Variants in NOXRED1 observed in about 807,000 individuals in gnomAD.
NOXRED1 encodes the protein NADP-dependent oxidoreductase domain-containing protein 1.
NOXRED1 carries 20 observed loss-of-function variants against 30.4 expected under a neutral mutation model. That is an observed-to-expected ratio of 0.66 (90% confidence interval 0.46 to 0.96). NOXRED1 has a LOEUF of 0.96. NOXRED1 is among the 40% of genes least tolerant of loss of function. The probability of loss-of-function intolerance (pLI) is 0.00; values close to 1 mark genes in which losing one functional copy is unlikely to be tolerated. For missense variants in NOXRED1, 374 were observed against 428.0 expected (o/e 0.87, Z 1.11); for synonymous variants, 155 against 168.0 (o/e 0.92, Z 0.60).
intron 1 of NOXRED1, among the ~76,000 whole-genome samples, chr14:77,417,329 A>G (rs958834616): frequency 2.0e-5 from 3 of 152,192 alleles, no homozygotes; most frequent in Admixed American, 6.5e-5. Flanking sequence ...ATGTTGTTCA[A>G]GTCTTCTGTT....
chr14:77,395,296 C>T (rs950258959), intron 5 of NOXRED1, among the ~76,000 whole-genome samples: 1 of 151,568 alleles, frequency 6.6e-6, no homozygotes. Flanking sequence ...TTAGTAGATA[C>T]GGGGTTTCAC....
chr14:77,396,922 G>T (rs975090302), intron 5 of NOXRED1, among the ~76,000 whole-genome samples: 3 of 152,212 alleles, frequency 2.0e-5, no homozygotes, highest in African/African-American at 7.2e-5. Context: ...TGGTGAGGAT[G>T]CAGAGAAACT....
At chr14:77,411,083 C>T (rs1894636413) in intron 2 of NOXRED1, among the ~76,000 whole-genome samples, 1 of 152,162 alleles carries the variant, frequency 6.6e-6, no homozygotes, top group East Asian at 1.9e-4. Context: ...AAACTGCAAA[C>T]AGCCTAAGTC....
rs1220769448 is a variant in NOXRED1 at position 77,423,306 on chromosome 14, T to G, written c.-417A>C. Among the ~76,000 whole-genome samples the G allele has an allele frequency of 1.3e-5, 2 of 152,172 alleles. No individual in the cohort carries two copies. The highest frequency in any genetic ancestry group is 2.9e-5 in the Non-Finnish European group (2 of 68,036). On this transcript the variant is annotated 5_prime_UTR_variant, in exon 1 of 6. It removes an upstream start codon present in the reference 5' UTR. Transcript: ENST00000380835. ...CGTTTTGGAAATAGGACTGAACACA[T>G]AGAACCACATTTCAAAGAAATGCTT...
chr14:77,416,842 C>G (rs1274204253), intron 1 of NOXRED1, among the ~76,000 whole-genome samples: 17 of 150,540 alleles, frequency 1.1e-4, no homozygotes, highest in African/African-American at 3.9e-4. Flanking sequence ...CTGACCCCCC[C>G]ACCTCCCTCC....
intron 3 of NOXRED1, 58 bp downstream of exon 3, chr14:77,407,407 G>A (rs1258858227): frequency 7.6e-7 from 1 of 1,309,048 alleles, no homozygotes; most frequent in Non-Finnish European, 1.1e-6. Flanking sequence ...GGAGGCAGAA[G>A]TCAGAGATAA....
intron 5 of NOXRED1, among the ~76,000 whole-genome samples, chr14:77,400,632 G>A: frequency 6.6e-6 from 1 of 152,140 alleles, no homozygotes; most frequent in East Asian, 1.9e-4. Flanking sequence ...CTGAGTTTTT[G>A]ATGAGCCTTT....
In NOXRED1 at chr14:77,399,842, G is replaced by A. The variant is rs375215641; in HGVS notation, c.906-5037C>T. ...GACTGAGAATTTCCCCCAAATTAAT[G>A]TCAGACACCAAACCACAGATCTAGG... On this transcript the variant is annotated intron_variant, in intron 5 of 5. Transcript: ENST00000380835. 1.2e-3 allele frequency among the ~76,000 whole-genome samples: 189 copies of A among 152,196 alleles called. 6 individuals carry two copies. In the East Asian group the frequency reaches 0.028, roughly 23 times the overall value.
chr14:77,402,416 G>T (rs150671980), intron 5 of NOXRED1, among the ~76,000 whole-genome samples: 1 of 151,884 alleles, frequency 6.6e-6, no homozygotes, highest in Non-Finnish European at 1.5e-5. Flanking sequence ...ACCTGAGGTC[G>T]GGAGTTCAAG....
intron 4 of NOXRED1, 37 bp from the exon 5 acceptor site, chr14:77,406,172 C>T (rs1189323948): frequency 3.4e-6 from 5 of 1,450,908 alleles, no homozygotes; most frequent in South Asian, 2.4e-5. Flanking sequence ...CAGTTAGCAC[C>T]ACCAAAAATG....
At chr14:77,403,539 C>T (rs998171090) in intron 5 of NOXRED1, among the ~76,000 whole-genome samples, 6 of 151,916 alleles carry the variant, frequency 3.9e-5, no homozygotes, top group African/African-American at 1.5e-4. Context: ...GCCTGTAGTC[C>T]CAGCTACTCG....
chr14:77,399,771 C>A (rs1894276338), intron 5 of NOXRED1, among the ~76,000 whole-genome samples: 1 of 151,914 alleles, frequency 6.6e-6, no homozygotes, highest in Admixed American at 6.6e-5. Flanking sequence ...CATAATGAGA[C>A]TAGAAGGAGG....
chr14:77,397,104 A>G (rs1016182800), intron 5 of NOXRED1, among the ~76,000 whole-genome samples: 38 of 152,256 alleles, frequency 2.5e-4, no homozygotes, highest in African/African-American at 9.2e-4. Flanking sequence ...ATGAATGTTC[A>G]TAACACCCTT....
chr14:77,394,768 T>G lies in NOXRED1; in HGVS notation c.943A>C (p.Lys315Gln). 1.2e-6 allele frequency: 2 copies of G among 1,613,894 alleles called. No individual in the cohort carries two copies. The highest frequency in any genetic ancestry group is 1.6e-4 in the Middle Eastern group (1 of 6,062). ...PWFDLTAVQL[K>Q]ETPFSQHLSS... is the part of the protein sequence containing the mutation. ...AGATGCTGGCTAAACGGAGTTTCCTTGAGTTGCACAGCAGTCAGATCAAAC... is the reference window on the plus strand; with the variant it reads ...AGATGCTGGCTAAACGGAGTTTCCTGGAGTTGCACAGCAGTCAGATCAAAC... Residue 315 changes from lysine (K) to glutamine (Q), a missense_variant, in exon 6 of 6, where the codon AAG (lysine) becomes CAG (glutamine). Transcript: ENST00000380835.
At chr14:77,403,463 A>G (rs888287591) in intron 5 of NOXRED1, among the ~76,000 whole-genome samples, 4 of 152,036 alleles carry the variant, frequency 2.6e-5, no homozygotes, top group Admixed American at 1.3e-4. Flanking sequence ...AGGCAATCCC[A>G]GACACTATAT....
intron 1 of NOXRED1, among the ~76,000 whole-genome samples, chr14:77,420,471 C>G (rs896349581): frequency 4.0e-5 from 6 of 151,600 alleles, no homozygotes; most frequent in Non-Finnish European, 8.8e-5. Flanking sequence ...CCTCAGCATC[C>G]CAAACTGCTG....
intron 5 of NOXRED1, among the ~76,000 whole-genome samples, chr14:77,402,415 C>T (rs1237293730): frequency 6.6e-6 from 1 of 152,140 alleles, no homozygotes; most frequent in Non-Finnish European, 1.5e-5. Flanking sequence ...CACCTGAGGT[C>T]GGGAGTTCAA....
chr14:77,407,403 A>G, intron 3 of NOXRED1, 62 bp downstream of exon 3: 2 of 1,251,320 alleles, frequency 1.6e-6, no homozygotes, highest in South Asian at 2.5e-5. Flanking sequence ...GGTGGGAGGC[A>G]GAAGTCAGAG....
At chr14:77,406,330 C>T (rs1457884730) in intron 4 of NOXRED1, 195 bp from the exon 5 acceptor site, 1 of 601,394 alleles carries the variant, frequency 1.7e-6, no homozygotes, top group African/African-American at 1.9e-5. Flanking sequence ...CATGTGTTGA[C>T]CATCCCAAAA....
Sources: allele counts gnomAD v4.1 joint callset (sites outside exome capture counted in the v4.1 genomes callset), GRCh38; gene constraint gnomAD v4.1.1; transcripts MANE v1.5; gene names NCBI Gene and HGNC (gene_info 2026-07-23, HGNC 2026-07-21).